Variants in PDZRN4 observed in about 807,000 individuals in gnomAD.
PDZRN4 encodes PDZ domain-containing RING finger protein 4.
PDZRN4 carries 70 observed loss-of-function variants against 99.0 expected under a neutral mutation model. The ratio of observed to expected loss-of-function variants is 0.71; its 90% CI spans 0.58 to 0.86. The LOEUF is 0.86. Ranked by LOEUF, PDZRN4 falls within the 40% of genes least tolerant of loss-of-function variation. The pLI, the probability that PDZRN4 is intolerant of heterozygous loss-of-function variation, is 0.00. For synonymous variants in PDZRN4, 551 were observed against 501.6 expected (o/e 1.10, Z -1.32); for missense variants, 1,474 against 1,331.2 (o/e 1.11, Z -1.67).
At chr12:41,286,632 G>A (rs1951424578) in intron 3 of PDZRN4, among the ~76,000 whole-genome samples, 1 of 152,054 alleles carries the variant, frequency 6.6e-6, no homozygotes, top group Admixed American at 6.6e-5. Flanking sequence ...GGCACAAGTG[G>A]CTGTCTCGAT....
At chr12:41,481,400 A>G (rs1592078222) in intron 3 of PDZRN4, among the ~76,000 whole-genome samples, 1 of 152,008 alleles carries the variant, frequency 6.6e-6, no homozygotes, top group Non-Finnish European at 1.5e-5. Flanking sequence ...TTTGCTCAAA[A>G]CCCTCCTGCC....
rs57843278 is a variant in PDZRN4, at chr12:41,427,575, A to T, written c.844-78881A>T. ...ATCCGAATACATGCTCATTCTGATG[A>T]TAATGTGTCCTGGGCCAGAATGTGT... On this transcript the variant is annotated intron_variant, in intron 3 of 9. Transcript: ENST00000402685. 3.9e-3 allele frequency among the ~76,000 whole-genome samples: 601 copies of T among 152,308 alleles called. 2 individuals carry two copies. The highest frequency in any genetic ancestry group is 0.014 in the African/African-American group (583 of 41,590).
intron 3 of PDZRN4, among the ~76,000 whole-genome samples, chr12:41,207,495 G>A (rs1287901129): frequency 6.6e-6 from 1 of 151,410 alleles, no homozygotes; most frequent in African/African-American, 2.4e-5. Flanking sequence ...TTATAATGTG[G>A]GGTCATGAAC....
chr12:41,256,131 G>C (rs1951203274), intron 3 of PDZRN4, among the ~76,000 whole-genome samples: 1 of 152,040 alleles, frequency 6.6e-6, no homozygotes, highest in Non-Finnish European at 1.5e-5. Context: ...AAATGTGTAA[G>C]GATAATTTTC....
At position 41,490,900 on chromosome 12, in the gene PDZRN4, G is replaced by A. The variant is rs11180954; in HGVS notation, c.844-15556G>A. Among the ~76,000 whole-genome samples the A allele has an allele frequency of 3.3e-3, 496 of 152,176 alleles. 15 individuals are homozygous for A. The East Asian group carries it at 0.088, about 27-fold the overall frequency. The stretch of plus-strand genomic sequence containing the variant: ...AAAGTCCATCTTCTCAGCCCTGAAA[G>A]TACATAACTCAGATTCATATCTGAG... On this transcript the variant is annotated intron_variant, in intron 3 of 9. Transcript: ENST00000402685.
At chr12:41,265,758 T>C (rs1951271535) in intron 3 of PDZRN4, among the ~76,000 whole-genome samples, 1 of 152,110 alleles carries the variant, frequency 6.6e-6, no homozygotes, top group Admixed American at 6.6e-5. Context: ...TTAACTTAAA[T>C]CAATGTATTG....
At chr12:41,530,191 G>A (rs981393650) in intron 5 of PDZRN4, among the ~76,000 whole-genome samples, 3 of 152,102 alleles carry the variant, frequency 2.0e-5, no homozygotes, top group East Asian at 1.9e-4. Context: ...TCTACCCAAC[G>A]CTCACGTTTA....
chr12:41,437,632 T>C (rs1952641807), intron 3 of PDZRN4: 2 of 580,424 alleles, frequency 3.4e-6, no homozygotes, highest in Non-Finnish European at 5.1e-6. Flanking sequence ...AATGAGGCAC[T>C]ATTAATATTC....
chr12:41,463,128 A>C (rs1247059448), intron 3 of PDZRN4, among the ~76,000 whole-genome samples: 2 of 152,346 alleles, frequency 1.3e-5, no homozygotes, highest in South Asian at 2.1e-4. Flanking sequence ...TGTGATTAGC[A>C]AGTATTTTAA....
chr12:41,430,143 T>G (rs1952574996), intron 3 of PDZRN4, among the ~76,000 whole-genome samples: 1 of 152,180 alleles, frequency 6.6e-6, no homozygotes, highest in Non-Finnish European at 1.5e-5. Flanking sequence ...TCTAGTACAC[T>G]TATGTCTTCC....
At chr12:41,560,483 A>G (rs1939250646) in intron 7 of PDZRN4, among the ~76,000 whole-genome samples, 1 of 152,164 alleles carries the variant, frequency 6.6e-6, no homozygotes, top group Non-Finnish European at 1.5e-5. Flanking sequence ...TTTGAAACTA[A>G]CATTTACATA....
At chr12:41,208,650 AT>A (rs893060631) in intron 3 of PDZRN4, among the ~76,000 whole-genome samples, 13 of 151,720 alleles carry the variant, frequency 8.6e-5, no homozygotes, top group Middle Eastern at 3.4e-3. Context: ...AGAAGAATAT[AT>A]TTTTTTTGTT....
chr12:41,224,296 C>A (rs1950978347), intron 3 of PDZRN4, among the ~76,000 whole-genome samples: 1 of 152,180 alleles, frequency 6.6e-6, no homozygotes, highest in South Asian at 2.1e-4. Context: ...ATGTTACTTG[C>A]CCCATACTGT....
At chr12:41,286,767 A>C (rs1357671408) in intron 3 of PDZRN4, among the ~76,000 whole-genome samples, 1 of 152,158 alleles carries the variant, frequency 6.6e-6, no homozygotes, top group East Asian at 1.9e-4. Context: ...TCATAGCAGC[A>C]GCTTAGGATT....
intron 3 of PDZRN4, among the ~76,000 whole-genome samples, chr12:41,285,502 TGGGTATATACCCAAAGGATTATAAATCA>T (rs1036285047): frequency 6.6e-6 from 1 of 152,202 alleles, no homozygotes; most frequent in African/African-American, 2.4e-5. Context: ...ATCCCATTAC[TGGGTATATACCCAAAGGATTATAAATCA>T]TTCTACTATA....
At chr12:41,236,366 G>T (rs1392468624) in intron 3 of PDZRN4, among the ~76,000 whole-genome samples, 1 of 152,052 alleles carries the variant, frequency 6.6e-6, no homozygotes, top group Non-Finnish European at 1.5e-5. Context: ...CACAGTACTT[G>T]GACTGAGCAT....
chr12:41,420,934 C>T lies in PDZRN4; in HGVS notation c.844-85522C>T, dbSNP rs1212413162. Among the ~76,000 whole-genome samples the T allele has an allele frequency of 2.6e-5, 4 of 152,072 alleles. No individual in the cohort carries two copies. In the East Asian group the frequency reaches 5.8e-4, roughly 22 times the overall value. The stretch of plus-strand genomic sequence containing the variant: ...TACTCAACTCATATCTGTTTATATT[C>T]GCTATTCACGGTACGTCTTCCTCCT... On this transcript the variant is annotated intron_variant, in intron 3 of 9. Coordinates refer to ENST00000402685, the MANE Select transcript of PDZRN4 (RefSeq NM_001164595.2).
chr12:41,311,681 T>C (rs1282713990), intron 3 of PDZRN4, among the ~76,000 whole-genome samples: 2 of 152,190 alleles, frequency 1.3e-5, no homozygotes, highest in African/African-American at 2.4e-5. Context: ...TATATTCAAA[T>C]TTAAAAATAT....
chr12:41,477,101 C>G (rs1937611280), intron 3 of PDZRN4, among the ~76,000 whole-genome samples: 1 of 152,168 alleles, frequency 6.6e-6, no homozygotes, highest in Non-Finnish European at 1.5e-5. Context: ...AACTCTCACC[C>G]TTCCTCTACA....
Sources: gnomAD v4.1 joint callset for allele counts (sites outside exome capture counted in the v4.1 genomes callset) on GRCh38, gnomAD v4.1.1 for gene constraint, MANE v1.5 for transcripts, NCBI Gene and HGNC (gene_info 2026-07-23, HGNC 2026-07-21) for gene names.